Variants in SCRG1 observed in about 807,000 individuals in gnomAD.
The protein encoded by SCRG1 is scrapie-responsive protein 1.
A neutral mutation model predicts 7.7 loss-of-function variants in SCRG1; 3 were observed. That is an observed-to-expected ratio of 0.39 (90% CI 0.18 to 1.01). The LOEUF (loss-of-function observed/expected upper bound fraction) is 1.01, where lower values mean the gene tolerates loss of function less well. Among genes scored for constraint, SCRG1 ranks in the 50% least tolerant of loss-of-function variants. The probability of loss-of-function intolerance (pLI) is 0.36; values close to 1 mark genes in which losing one functional copy is unlikely to be tolerated. For synonymous variants in SCRG1, 46 were observed against 41.2 expected, an observed-to-expected ratio of 1.12 and a Z score of -0.44; for missense variants, 110 against 117.2, an observed-to-expected ratio of 0.94 and a Z score of 0.28.
chr4:173,503,947 A>G, the SCRG1 span, among the ~76,000 whole-genome samples: 3 of 152,178 alleles, frequency 2.0e-5, no homozygotes, highest in Admixed American at 6.5e-5. This position sits in a 1 kb window ranked among gnomAD's most constrained non-coding sequence, Gnocchi z 6.4. Context: ...ATGTGCCAGA[A>G]GTGTCTTCTA....
chr4:173,484,153 ATTTTCTACATT>A, the SCRG1 span, among the ~76,000 whole-genome samples: 76 of 88,142 alleles, frequency 8.6e-4, no homozygotes, highest in African/African-American at 2.9e-3. Context: ...AATATAGAAT[ATTTTCTACATT>A]ATATATAATA....
chr4:173,497,658 A>AAG, the SCRG1 span, among the ~76,000 whole-genome samples: 1 of 136,550 alleles, frequency 7.3e-6, no homozygotes, highest in Admixed American at 8.4e-5. Flanking sequence ...AGCAAAAAAA[A>AAG]AAAAAAAACT....
the SCRG1 span, among the ~76,000 whole-genome samples, chr4:173,487,309 C>A: frequency 6.6e-6 from 1 of 152,348 alleles, no homozygotes; most frequent in South Asian, 2.1e-4. Context: ...CACTTCAACA[C>A]AAGCAATCTA....
chr4:173,410,351 T>C (rs939545418), upstream of SCRG1, among the ~76,000 whole-genome samples: 7 of 152,228 alleles, frequency 4.6e-5, no homozygotes, highest in African/African-American at 7.2e-5. Flanking sequence ...TGCACAGTGC[T>C]ACCCTGCTGC....
the SCRG1 span, among the ~76,000 whole-genome samples, chr4:173,439,053 A>C: frequency 1.3e-5 from 2 of 152,054 alleles, no homozygotes; most frequent in Non-Finnish European, 2.9e-5. Context: ...TGAGCCTCCC[A>C]GGAGTGATTA....
At chr4:173,410,784 A>C (rs1344220376), upstream of SCRG1, among the ~76,000 whole-genome samples, 1 of 152,228 alleles carries the variant, frequency 6.6e-6, no homozygotes, top group African/African-American at 2.4e-5. Flanking sequence ...TTTAAAAAAA[A>C]CTATATATCT....
At chr4:173,412,085 C>T in the SCRG1 span, among the ~76,000 whole-genome samples, 2 of 152,212 alleles carry the variant, frequency 1.3e-5, no homozygotes, top group African/African-American at 4.8e-5. Flanking sequence ...GTGTCTGTCT[C>T]AGCTTCCACC....
chr4:173,507,243 T>C, the SCRG1 span, among the ~76,000 whole-genome samples: 1 of 152,148 alleles, frequency 6.6e-6, no homozygotes, highest in Non-Finnish European at 1.5e-5. This position sits in a 1 kb window ranked among gnomAD's most constrained non-coding sequence, Gnocchi z 4.4. Flanking sequence ...AGAGTCTTGC[T>C]CTGTCGCCCA....
At chr4:173,416,076 G>A in the SCRG1 span, among the ~76,000 whole-genome samples, 9 of 152,218 alleles carry the variant, frequency 5.9e-5, no homozygotes, top group African/African-American at 1.7e-4. Flanking sequence ...CTCCTCTCCC[G>A]CAGTGTAGAT....
At chr4:173,395,385 T>C (rs905799693) in intron 1 of SCRG1, among the ~76,000 whole-genome samples, 2 of 152,264 alleles carry the variant, frequency 1.3e-5, no homozygotes, top group South Asian at 2.1e-4. Flanking sequence ...AGGTCTTATG[T>C]TGTCTAAAAG....
the SCRG1 span, among the ~76,000 whole-genome samples, chr4:173,435,003 A>T: frequency 6.6e-6 from 1 of 152,184 alleles, no homozygotes; most frequent in East Asian, 1.9e-4. Flanking sequence ...GATCCTAGGA[A>T]TTGATATTTT....
chr4:173,477,498 A>C, the SCRG1 span, among the ~76,000 whole-genome samples: 3 of 151,806 alleles, frequency 2.0e-5, no homozygotes, highest in African/African-American at 7.3e-5. Flanking sequence ...GAGCTGGGAT[A>C]CTCTCCTCTT....
the SCRG1 span, among the ~76,000 whole-genome samples, chr4:173,451,074 G>A: frequency 2.0e-5 from 3 of 152,124 alleles, no homozygotes; most frequent in Middle Eastern, 3.4e-3. Flanking sequence ...TTTTGAAGTC[G>A]TTTCTCCAAG....
At chr4:173,496,982 T>C in the SCRG1 span, among the ~76,000 whole-genome samples, 7 of 152,116 alleles carry the variant, frequency 4.6e-5, no homozygotes, top group South Asian at 1.5e-3. Context: ...GGTGGGCGCC[T>C]GTAGTCCCAG....
chr4:173,505,011 A>G, the SCRG1 span, among the ~76,000 whole-genome samples: 1 of 152,242 alleles, frequency 6.6e-6, no homozygotes, highest in African/African-American at 2.4e-5. The surrounding 1 kb of genome is among the most constrained non-coding windows in gnomAD (Gnocchi z 4.4). Flanking sequence ...ACTGTAACTG[A>G]AGAAGAGAAA....
At chr4:173,480,888 G>T in the SCRG1 span, among the ~76,000 whole-genome samples, 1 of 151,928 alleles carries the variant, frequency 6.6e-6, no homozygotes, top group Non-Finnish European at 1.5e-5. Flanking sequence ...AATGTATTGG[G>T]TTATGGGTAT....
the SCRG1 span, among the ~76,000 whole-genome samples, chr4:173,415,165 T>C: frequency 6.6e-6 from 1 of 152,210 alleles, no homozygotes; most frequent in Non-Finnish European, 1.5e-5. Context: ...CTCAAAATAG[T>C]CATTTCATAA....
At chr4:173,394,377 G>T (rs1253636924) in intron 1 of SCRG1, among the ~76,000 whole-genome samples, 2 of 152,040 alleles carry the variant, frequency 1.3e-5, no homozygotes, top group African/African-American at 4.8e-5. Context: ...AGGCGCAGTG[G>T]CTCACACCTG....
At chr4:173,469,419 T>C in the SCRG1 span, 2 of 152,174 alleles carry the variant, frequency 1.3e-5, no homozygotes, top group Non-Finnish European at 2.9e-5. Context: ...ATTGACAAAT[T>C]ATCCCTCAAC....
Sources: gnomAD v4.1 joint callset for allele counts (sites outside exome capture counted in the v4.1 genomes callset) on GRCh38, gnomAD v4.1.1 for gene constraint, Gnocchi (gnomAD v3.1) non-coding constraint, MANE v1.5 for transcripts, NCBI Gene and HGNC (gene_info 2026-07-23, HGNC 2026-07-21) for gene names.